Variants in TRAPPC9 observed in about 807,000 individuals in gnomAD.
TRAPPC9 encodes IKK2 binding protein.
TRAPPC9 carries 83 observed loss-of-function variants against 124.0 expected under a neutral mutation model. That is an observed-to-expected ratio of 0.67 (90% CI 0.56 to 0.80). The LOEUF (loss-of-function observed/expected upper bound fraction) is 0.80. Among genes scored for constraint, TRAPPC9 ranks in the 30% least tolerant of loss-of-function variants. The pLI, the probability that TRAPPC9 is intolerant of heterozygous loss-of-function variation, is 0.00. For synonymous variants in TRAPPC9, 638 were observed against 617.5 expected, an observed-to-expected ratio of 1.03 and a Z score of -0.49; for missense variants, 1,302 against 1,508.3, an observed-to-expected ratio of 0.86 and a Z score of 2.27.
At chr8:140,002,676 G>A (rs932191643) in intron 18 of TRAPPC9, among the ~76,000 whole-genome samples, 11 of 152,084 alleles carry the variant, frequency 7.2e-5, no homozygotes, top group East Asian at 1.9e-4. Context: ...TCAGGACAGC[G>A]TTGTACTGGT....
At chr8:139,874,717 C>T (rs921358918) in intron 21 of TRAPPC9, among the ~76,000 whole-genome samples, 3 of 152,108 alleles carry the variant, frequency 2.0e-5, no homozygotes, top group African/African-American at 4.8e-5. Context: ...ATGAAGAAGG[C>T]GCTGTGGGCA....
intron 16 of TRAPPC9, among the ~76,000 whole-genome samples, chr8:140,223,597 T>A (rs2063384219): frequency 6.6e-6 from 1 of 152,234 alleles, no homozygotes; most frequent in African/African-American, 2.4e-5. Flanking sequence ...TAAAGCTTCT[T>A]GTGATAAGAT....
intron 21 of TRAPPC9, among the ~76,000 whole-genome samples, chr8:139,737,227 G>T (rs546830069): frequency 1.3e-5 from 2 of 152,152 alleles, no homozygotes; most frequent in East Asian, 3.9e-4. Flanking sequence ...GGGCAGCCCA[G>T]GGGCCACGCA....
At chr8:140,094,386 G>C (rs998914315) in intron 17 of TRAPPC9, among the ~76,000 whole-genome samples, 8 of 152,158 alleles carry the variant, frequency 5.3e-5, no homozygotes, top group Non-Finnish European at 7.4e-5. Flanking sequence ...CGCAGATCGG[G>C]CTGGCTCCGA....
chr8:140,279,890 T>C (rs900012240), intron 14 of TRAPPC9, among the ~76,000 whole-genome samples: 1 of 152,196 alleles, frequency 6.6e-6, no homozygotes, highest in African/African-American at 2.4e-5. Flanking sequence ...AAGTACCTCT[T>C]CTCAAGTTAT....
rs2062235793 is a variant in TRAPPC9, at chr8:140,182,813, C to T, written c.2556+38646G>A. On this transcript the variant is annotated intron_variant, in intron 17 of 22. Coordinates refer to ENST00000438773, the MANE Select transcript of TRAPPC9 (RefSeq NM_001160372.4). The surrounding 1 kb of genome is among the most constrained non-coding windows in gnomAD (Gnocchi z 4.0). Reference sequence around the variant, plus strand: ...ACCACAACTTGCATCATGCCATTCCCCCTTCTCTGCCCGTCTATGCGTCCC... The same window carrying T: ...ACCACAACTTGCATCATGCCATTCCTCCTTCTCTGCCCGTCTATGCGTCCC... Among the ~76,000 whole-genome samples, 2 of 152,136 alleles carry T rather than the reference C, an allele frequency of 1.3e-5. No homozygotes were observed. Among genetic ancestry groups the T allele is most frequent in the Admixed American group, 6.5e-5 (1 of 15,280 alleles).
At chr8:140,037,408 T>G (rs973571439) in intron 17 of TRAPPC9, among the ~76,000 whole-genome samples, 1 of 151,852 alleles carries the variant, frequency 6.6e-6, no homozygotes, top group Admixed American at 6.6e-5. Flanking sequence ...AACAAATGAA[T>G]TCATAAGTAG....
chr8:139,965,244 G>A (rs1186066133), intron 19 of TRAPPC9, among the ~76,000 whole-genome samples: 2 of 152,240 alleles, frequency 1.3e-5, no homozygotes, highest in Non-Finnish European at 2.9e-5. Context: ...ATTGTGCAGT[G>A]GAAAATGACC....
intron 16 of TRAPPC9, among the ~76,000 whole-genome samples, chr8:140,228,833 G>A (rs541152546): frequency 1.3e-5 from 2 of 152,286 alleles, no homozygotes; most frequent in African/African-American, 4.8e-5. Context: ...TAAAAGGGTA[G>A]TACAACTGTG....
At chr8:140,244,800 CTTTTTTTTTTT>C (rs1162364645) in intron 16 of TRAPPC9, among the ~76,000 whole-genome samples, 59 of 90,182 alleles carry the variant, frequency 6.5e-4, no homozygotes, top group African/African-American at 2.8e-3. Flanking sequence ...TTTCCAATTC[CTTTTTTTTTTT>C]TTTTTTTTTT....
rs918573497 is a variant in TRAPPC9 at position 139,948,335 on chromosome 8, G to T, written c.2811-38035C>A. Among the ~76,000 whole-genome samples, 4 of 151,034 alleles carry T rather than the reference G, an allele frequency of 2.6e-5. No individual in the cohort carries two copies. The Middle Eastern group carries it at 0.01, about 388-fold the overall frequency. On this transcript the variant is annotated intron_variant, in intron 19 of 22. Coordinates refer to ENST00000438773, the MANE Select transcript of TRAPPC9 (RefSeq NM_001160372.4). ...TCCTAGCGTGTTCCCCATGACCCCTGCCCTGGTGTTCACACCCTCCCTTTT... is the reference window on the plus strand; with the variant it reads ...TCCTAGCGTGTTCCCCATGACCCCTTCCCTGGTGTTCACACCCTCCCTTTT...
intron 9 of TRAPPC9, among the ~76,000 whole-genome samples, chr8:140,342,020 GGAAA>G (rs2067209733): frequency 1.3e-5 from 2 of 152,276 alleles, no homozygotes; most frequent in Non-Finnish European, 2.9e-5. Flanking sequence ...GTGGAGGACA[GGAAA>G]GAAAGGGCGG....
At chr8:140,390,351 A>G (rs2068891952) in intron 7 of TRAPPC9, among the ~76,000 whole-genome samples, 1 of 152,142 alleles carries the variant, frequency 6.6e-6, no homozygotes, top group Non-Finnish European at 1.5e-5. Context: ...CTCCCACGAA[A>G]TAAGTATCTG....
intron 18 of TRAPPC9, among the ~76,000 whole-genome samples, chr8:139,993,570 G>C (rs1028887893): frequency 6.6e-6 from 1 of 152,094 alleles, no homozygotes; most frequent in African/African-American, 2.4e-5. Context: ...TTTGGTAAAG[G>C]GGCACATTCA....
At chr8:140,231,780 C>G (rs556913757) in intron 16 of TRAPPC9, among the ~76,000 whole-genome samples, 39 of 151,780 alleles carry the variant, frequency 2.6e-4, no homozygotes, top group Non-Finnish European at 4.9e-4. Context: ...TTTACACGCA[C>G]ATAAAACAAC....
chr8:139,765,068 A>G (rs1057484085), intron 21 of TRAPPC9, among the ~76,000 whole-genome samples: 3 of 152,192 alleles, frequency 2.0e-5, no homozygotes, highest in African/African-American at 7.2e-5. Flanking sequence ...CTCCAAGCCA[A>G]CGCTTGGGTT....
chr8:139,891,791 C>T (rs1358128228), intron 20 of TRAPPC9, among the ~76,000 whole-genome samples: 1 of 152,218 alleles, frequency 6.6e-6, no homozygotes, highest in Non-Finnish European at 1.5e-5. Context: ...CTCCAGGGTG[C>T]GTGCTGCAGG....
chr8:140,420,557 T>C (rs2070165773), intron 5 of TRAPPC9, among the ~76,000 whole-genome samples: 1 of 152,206 alleles, frequency 6.6e-6, no homozygotes, highest in Non-Finnish European at 1.5e-5. Context: ...TTCTCTATAA[T>C]GAAGATGACT....
chr8:140,062,887 GTC>G (rs1158728486), intron 17 of TRAPPC9, among the ~76,000 whole-genome samples: 1 of 152,154 alleles, frequency 6.6e-6, no homozygotes, highest in Non-Finnish European at 1.5e-5. Context: ...AACTGTATGA[GTC>G]TGTTCTCACA....
Sources: allele counts gnomAD v4.1 joint callset (sites outside exome capture counted in the v4.1 genomes callset), GRCh38; gene constraint gnomAD v4.1.1; non-coding constraint Gnocchi (gnomAD v3.1); transcripts MANE v1.5; gene names NCBI Gene and HGNC (gene_info 2026-07-23, HGNC 2026-07-21).